Variants in ROBO1 observed in about 807,000 individuals in gnomAD.
ROBO1 encodes the protein roundabout guidance receptor 1.
Under a neutral mutation model 195.9 loss-of-function variants are expected in ROBO1, and 149 were observed. The ratio of observed to expected loss-of-function variants is 0.76; its 90% confidence interval spans 0.67 to 0.87. The LOEUF (loss-of-function observed/expected upper bound fraction) is 0.87, where lower values mean the gene tolerates loss of function less well. Among genes scored for constraint, ROBO1 ranks in the 40% least tolerant of loss-of-function variants. ROBO1 has a pLI of 0.00. For missense variants in ROBO1, 1,933 were observed against 2,068.3 expected, an observed-to-expected ratio of 0.93 and a Z score of 1.27; for synonymous variants, 816 against 733.2, an observed-to-expected ratio of 1.11 and a Z score of -1.82.
At chr3:79,332,592 G>T (rs116719562) in intron 2 of ROBO1, among the ~76,000 whole-genome samples, 29 of 152,212 alleles carry the variant, frequency 1.9e-4, no homozygotes, top group African/African-American at 7.0e-4. Context: ...GCGAGCATTT[G>T]GTAGGCACTC....
intron 1 of ROBO1, among the ~76,000 whole-genome samples, chr3:79,730,925 C>A (rs762212341): frequency 1.5e-4 from 22 of 151,706 alleles, no homozygotes; most frequent in Non-Finnish European, 3.1e-4. Context: ...CTACAGGTGC[C>A]CGCCACCACG....
rs113019893 is a variant in ROBO1, at chr3:79,049,297, A to C, written c.172+76159T>G. Among the ~76,000 whole-genome samples the C allele has an allele frequency of 7.9e-5, 12 of 152,304 alleles. 2 individuals are homozygous for C. Among genetic ancestry groups the C allele is most frequent in the African/African-American group, 2.9e-4 (12 of 41,568 alleles). On this transcript the variant is annotated intron_variant, in intron 3 of 30. Coordinates refer to ENST00000464233, the MANE Select transcript of ROBO1 (RefSeq NM_002941.4). ...TCGATCAAGTGGATGAAAGGATATC[A>C]GTGATTGAAGATCAAATTAATGAAA...
chr3:78,957,734 T>G (rs2041123247), intron 3 of ROBO1, among the ~76,000 whole-genome samples: 1 of 152,174 alleles, frequency 6.6e-6, no homozygotes, highest in African/African-American at 2.4e-5. Context: ...TTGCCTCTTC[T>G]CTTTAGGAGG....
chr3:78,829,937 G>C (rs2032000267), intron 4 of ROBO1, among the ~76,000 whole-genome samples: 1 of 152,054 alleles, frequency 6.6e-6, no homozygotes, highest in South Asian at 2.1e-4. Context: ...CAGAGAAATT[G>C]GGCAGGATGA....
intron 2 of ROBO1, among the ~76,000 whole-genome samples, chr3:79,326,861 A>G (rs2034235245): frequency 6.6e-6 from 1 of 152,190 alleles, no homozygotes; most frequent in Admixed American, 6.5e-5. Flanking sequence ...CAACTAAATG[A>G]ATATTATTTG....
At chr3:79,656,382 T>C (rs1425131017) in intron 1 of ROBO1, among the ~76,000 whole-genome samples, 2 of 152,060 alleles carry the variant, frequency 1.3e-5, no homozygotes, top group Non-Finnish European at 2.9e-5. Context: ...TTACATAAGC[T>C]TTAAAAATAT....
At chr3:79,633,133 T>C (rs1023911626) in intron 1 of ROBO1, among the ~76,000 whole-genome samples, 1 of 149,124 alleles carries the variant, frequency 6.7e-6, no homozygotes, top group Non-Finnish European at 1.5e-5. Context: ...TATAGAAACA[T>C]ATATTATAAG....
Position 78,633,789 on chromosome 3 carries a change from C to T in ROBO1, c.3481+146G>A, listed in dbSNP as rs1391823101. On this transcript the variant is annotated intron_variant, in intron 24 of 30. Transcript: ENST00000464233. ...AGTGAGTGGAAAGTCCCTCAAATTGCAGAGACAAGACACATGCCTGAGACT... is the reference window on the plus strand; with the variant it reads ...AGTGAGTGGAAAGTCCCTCAAATTGTAGAGACAAGACACATGCCTGAGACT... The T allele has an allele frequency of 1.3e-5, 6 of 452,762 alleles. No homozygotes were observed. In the East Asian group the frequency reaches 1.7e-4, roughly 13 times the overall value. The allele number at this position is 452,762 out of a possible 1,614,324, so 28.0% of individuals were successfully genotyped here.
intron 1 of ROBO1, among the ~76,000 whole-genome samples, chr3:79,653,042 C>T (rs1260045974): frequency 6.6e-6 from 1 of 151,406 alleles, no homozygotes; most frequent in African/African-American, 2.4e-5. Context: ...ACCAAAAAAG[C>T]CATTAAAATG....
In ROBO1 at chr3:78,920,624, G is replaced by GTTTTTT. The variant is rs34364869; in HGVS notation, c.499+17971_499+17976dup. Among the ~76,000 whole-genome samples the GTTTTTT allele has an allele frequency of 6.4e-4, 39 of 60,950 alleles. 2 individuals are homozygous for GTTTTTT. The highest frequency in any genetic ancestry group is 2.7e-3 in the African/African-American group (36 of 13,480). The allele number at this position is 60,950 out of a possible 152,430, so 40.0% of individuals were successfully genotyped here. The stretch of plus-strand genomic sequence containing the variant: ...CCAGCCTTTCTTTTTCTTTCTTTCA[G>GTTTTTT]TTTTTTTTTTTTTTTTTTTTTTTTT... On this transcript the variant is annotated intron_variant, in intron 4 of 30. Coordinates refer to ENST00000464233, the MANE Select transcript of ROBO1 (RefSeq NM_002941.4).
chr3:79,721,316 C>T (rs1702690586), intron 1 of ROBO1, among the ~76,000 whole-genome samples: 1 of 150,390 alleles, frequency 6.6e-6, no homozygotes, highest in East Asian at 2.0e-4. Flanking sequence ...TACAGTAGGA[C>T]ATTTGATATA....
At chr3:79,064,378 A>G (rs1370320759) in intron 3 of ROBO1, among the ~76,000 whole-genome samples, 1 of 151,880 alleles carries the variant, frequency 6.6e-6, no homozygotes, top group Non-Finnish European at 1.5e-5. Context: ...AGTCTCCTGT[A>G]CTTTTTCCAG....
intron 10 of ROBO1, among the ~76,000 whole-genome samples, chr3:78,672,301 C>T (rs898888495): frequency 1.3e-5 from 2 of 151,928 alleles, no homozygotes; most frequent in Non-Finnish European, 2.9e-5. Context: ...AAGATTTGGC[C>T]GGGCACTGGG....
At chr3:79,208,611 T>C (rs534754603) in intron 2 of ROBO1, among the ~76,000 whole-genome samples, 1 of 152,116 alleles carries the variant, frequency 6.6e-6, no homozygotes, top group East Asian at 1.9e-4. Flanking sequence ...ATGCAAAGGC[T>C]AAAAGCAAAA....
chr3:79,564,152 CAAAA>C (rs11294278), intron 2 of ROBO1, among the ~76,000 whole-genome samples: 1 of 150,522 alleles, frequency 6.6e-6, no homozygotes. Context: ...GACTGAATAA[CAAAA>C]AAAAAGTAAA....
At chr3:79,327,138 T>A (rs2034245605) in intron 2 of ROBO1, among the ~76,000 whole-genome samples, 1 of 151,964 alleles carries the variant, frequency 6.6e-6, no homozygotes, top group South Asian at 2.1e-4. Flanking sequence ...AGAAAGAAAA[T>A]TTACGCAAAA....
At chr3:78,683,020 T>C (rs2080964423) in intron 10 of ROBO1, among the ~76,000 whole-genome samples, 1 of 152,118 alleles carries the variant, frequency 6.6e-6, no homozygotes, top group East Asian at 1.9e-4. Flanking sequence ...ACCTCCAATA[T>C]AGTGAGCAGA....
chr3:79,030,187 G>A (rs532317747), intron 3 of ROBO1, among the ~76,000 whole-genome samples: 1 of 152,230 alleles, frequency 6.6e-6, no homozygotes, highest in Admixed American at 6.5e-5. Context: ...TTTCAACTAG[G>A]GGTGATTCTA....
chr3:79,018,420 T>A, intron 3 of ROBO1: 1 of 1,613,824 alleles, frequency 6.2e-7, no homozygotes, highest in Non-Finnish European at 8.5e-7. Context: ...AACAGAGACA[T>A]ATTAATCCAA....
Sources: gnomAD v4.1 joint callset for allele counts (sites outside exome capture counted in the v4.1 genomes callset) on GRCh38, gnomAD v4.1.1 for gene constraint, MANE v1.5 for transcripts, NCBI Gene and HGNC (gene_info 2026-07-23, HGNC 2026-07-21) for gene names.